MICU1: variants seen among roughly 807,000 people sequenced by gnomAD.
MICU1 encodes mitochondrial calcium uptake 1.
In MICU1, 45 loss-of-function variants were observed where a neutral mutation model predicts 56.8. The ratio of observed to expected loss-of-function variants is 0.79; its 90% CI spans 0.62 to 1.02. MICU1 has a LOEUF of 1.02. MICU1 is among the 50% of genes least tolerant of loss of function. The pLI is 0.00. For synonymous variants in MICU1, 186 were observed against 195.1 expected, an observed-to-expected ratio of 0.95 and a Z score of 0.39; for missense variants, 504 against 587.1, an observed-to-expected ratio of 0.86 and a Z score of 1.46.
At chr10:72,532,351 G>T (rs1006695590) in intron 5 of MICU1, among the ~76,000 whole-genome samples, 11 of 151,966 alleles carry the variant, frequency 7.2e-5, no homozygotes, top group African/African-American at 2.4e-4. Flanking sequence ...AAATGAATTT[G>T]CTATAAGTTA....
At chr10:72,457,872 T>C (rs571297259) in intron 8 of MICU1, among the ~76,000 whole-genome samples, 23 of 152,262 alleles carry the variant, frequency 1.5e-4, no homozygotes, top group African/African-American at 5.1e-4. Flanking sequence ...AGAAATTCCA[T>C]GAAAAGTATT....
intron 11 of MICU1, among the ~76,000 whole-genome samples, chr10:72,372,703 G>A (rs1005245257): frequency 1.3e-5 from 2 of 151,906 alleles, no homozygotes; most frequent in Admixed American, 6.6e-5. Flanking sequence ...TTAACCGGGT[G>A]TGATGGTGGG....
intron 6 of MICU1, among the ~76,000 whole-genome samples, chr10:72,505,641 T>C (rs1867221247): frequency 6.6e-6 from 1 of 152,118 alleles, no homozygotes; most frequent in Non-Finnish European, 1.5e-5. Flanking sequence ...TGAACAAGAA[T>C]GAAATAATGC....
chr10:72,550,013 G>A (rs1369840758), intron 4 of MICU1, among the ~76,000 whole-genome samples: 3 of 151,576 alleles, frequency 2.0e-5, no homozygotes, highest in South Asian at 2.1e-4. Flanking sequence ...TGACGTTTTG[G>A]TCAACAAAGG....
chr10:72,595,898 G>A (rs1269603923), intron 1 of MICU1, among the ~76,000 whole-genome samples: 1 of 152,248 alleles, frequency 6.6e-6, no homozygotes, highest in South Asian at 2.1e-4. Flanking sequence ...GGGAAGCTGA[G>A]GAGGAAGGAT....
At chr10:72,383,346 C>A (rs1034083068) in intron 10 of MICU1, among the ~76,000 whole-genome samples, 1 of 152,088 alleles carries the variant, frequency 6.6e-6, no homozygotes, top group Non-Finnish European at 1.5e-5. Context: ...CAACCTTATA[C>A]CCCAGTCACC....
intron 5 of MICU1, among the ~76,000 whole-genome samples, chr10:72,517,699 C>G (rs955085828): frequency 6.6e-5 from 10 of 151,486 alleles, no homozygotes; most frequent in Non-Finnish European, 1.2e-4. Context: ...GATGGGTGCA[C>G]CAAAATCTCA....
intron 8 of MICU1, among the ~76,000 whole-genome samples, chr10:72,431,578 CTGGAAG>C (rs1437032845): frequency 6.6e-6 from 1 of 152,186 alleles, no homozygotes; most frequent in African/African-American, 2.4e-5. Flanking sequence ...GGGTATATAT[CTGGAAG>C]TGGAACTGCC....
At chr10:72,376,976 T>G (rs1057322748) in intron 10 of MICU1, among the ~76,000 whole-genome samples, 7 of 152,074 alleles carry the variant, frequency 4.6e-5, no homozygotes, top group African/African-American at 1.4e-4. Context: ...CACGCCTTGG[T>G]GGGTGAATGA....
At chr10:72,569,223 A>ATTTTTTTTTT (rs1564939690) in intron 1 of MICU1, among the ~76,000 whole-genome samples, 1 of 39,244 alleles carries the variant, frequency 2.5e-5, no homozygotes, top group African/African-American at 1.3e-4. Context: ...ATATATATAT[A>ATTTTTTTTTT]TATATATATA....
chr10:72,563,794 C>G (rs1206697214), intron 2 of MICU1, among the ~76,000 whole-genome samples: 1 of 152,132 alleles, frequency 6.6e-6, no homozygotes, highest in African/African-American at 2.4e-5. Flanking sequence ...ATGTACTAGA[C>G]TTCCAGCCAT....
chr10:72,537,027 G>A (rs1839654831), intron 4 of MICU1, among the ~76,000 whole-genome samples: 1 of 152,132 alleles, frequency 6.6e-6, no homozygotes. Context: ...ACACATTTAT[G>A]TTTTATATTT....
intron 5 of MICU1, among the ~76,000 whole-genome samples, chr10:72,509,979 C>T (rs1176668513): frequency 6.6e-6 from 1 of 151,982 alleles, no homozygotes; most frequent in Non-Finnish European, 1.5e-5. Flanking sequence ...GAGAATAGGT[C>T]CCCAAAGGCT....
At chr10:72,565,671 A>G (rs2132473101) in intron 2 of MICU1, among the ~76,000 whole-genome samples, 1 of 152,064 alleles carries the variant, frequency 6.6e-6, no homozygotes, top group Admixed American at 6.6e-5. Context: ...GGTGGTGCAC[A>G]CCTGTAATCC....
chr10:72,547,120 C>T (rs902066680), intron 4 of MICU1, among the ~76,000 whole-genome samples: 2 of 151,996 alleles, frequency 1.3e-5, no homozygotes, highest in Non-Finnish European at 1.5e-5. Context: ...GTCTCGATCT[C>T]CTGACCTCGT....
chr10:72,517,814 A>C (rs886250398), intron 5 of MICU1, among the ~76,000 whole-genome samples: 1 of 151,972 alleles, frequency 6.6e-6, no homozygotes, highest in Non-Finnish European at 1.5e-5. Flanking sequence ...ATGTCAAGTA[A>C]AATGATCCTT....
intron 1 of MICU1, among the ~76,000 whole-genome samples, chr10:72,589,677 T>C (rs550843489): frequency 6.6e-6 from 1 of 152,204 alleles, no homozygotes; most frequent in African/African-American, 2.4e-5. Context: ...GGAACTATGG[T>C]ATTAATGAAT....
chr10:72,591,541 A>C (rs1841224602), intron 1 of MICU1, among the ~76,000 whole-genome samples: 2 of 152,208 alleles, frequency 1.3e-5, no homozygotes, highest in Admixed American at 6.5e-5. Context: ...GAAAGTGGGG[A>C]TATTACTACA....
At chr10:72,455,195 T>C (rs1196548572) in intron 8 of MICU1, among the ~76,000 whole-genome samples, 2 of 151,248 alleles carry the variant, frequency 1.3e-5, no homozygotes, top group African/African-American at 2.4e-5. Flanking sequence ...ACTGATAAAG[T>C]ACAAAAATTA....
Sources: gnomAD v4.1 joint callset for allele counts (sites outside exome capture counted in the v4.1 genomes callset) on GRCh38, gnomAD v4.1.1 for gene constraint, MANE v1.5 for transcripts, NCBI Gene and HGNC (gene_info 2026-07-23, HGNC 2026-07-21) for gene names.